Variants in SEC31A observed in about 807,000 individuals in gnomAD.
The protein encoded by SEC31A is SEC31 homolog A, COPII component.
Under a neutral mutation model 151.0 loss-of-function variants are expected in SEC31A, and 70 were observed. The ratio of observed to expected loss-of-function variants is 0.46; its 90% CI spans 0.38 to 0.57. The LOEUF (loss-of-function observed/expected upper bound fraction) is 0.57, where lower values mean the gene tolerates loss of function less well. Ranked by LOEUF, SEC31A falls within the 20% of genes least tolerant of loss-of-function variation. The probability of loss-of-function intolerance (pLI) is 0.00; values close to 1 mark genes in which losing one functional copy is unlikely to be tolerated. For synonymous variants in SEC31A, 475 were observed against 505.9 expected (o/e 0.94, Z 0.82); for missense variants, 1,330 against 1,471.2 (o/e 0.90, Z 1.57).
intron 22 of SEC31A, among the ~76,000 whole-genome samples, chr4:82,838,219 T>C (rs960847570): frequency 6.6e-6 from 1 of 152,216 alleles, no homozygotes; most frequent in Non-Finnish European, 1.5e-5. Flanking sequence ...TTCAGAACAC[T>C]GTTTCATGAG....
intron 25 of SEC31A, among the ~76,000 whole-genome samples, chr4:82,822,624 T>C (rs1463566793): frequency 6.6e-6 from 1 of 152,202 alleles, no homozygotes; most frequent in African/African-American, 2.4e-5. Flanking sequence ...ATAAAAACTA[T>C]TCCAACTACT....
Position 82,856,760 on chromosome 4 carries a change from T to A in SEC31A, c.1881+192A>T, listed in dbSNP as rs1198128782. On this transcript the variant is annotated intron_variant, in intron 16 of 26. Transcript: ENST00000395310. ...AGCAAGACCCCGTCTTTAAAATTAT[T>A]AATATATACAAAAACAACAAAACTA... Among the ~76,000 whole-genome samples the A allele has an allele frequency of 2.0e-5, 3 of 152,010 alleles. No homozygotes were observed. The South Asian group carries it at 6.2e-4, about 32-fold the overall frequency.
intron 21 of SEC31A, chr4:82,843,705 TG>T (rs1729435809): frequency 6.6e-6 from 1 of 151,992 alleles, no homozygotes; most frequent in Non-Finnish European, 1.5e-5. Flanking sequence ...TTTCAAATAG[TG>T]GCAATATTTC....
chr4:82,900,489 G>T, exon 1 of SEC31A: 1 of 386,982 alleles, frequency 2.6e-6, no homozygotes. Context: ...GCCAGAATGG[G>T]TGAAAACAGA....
intron 1 of SEC31A, 65 bp from the exon 2 acceptor site, chr4:82,882,005 T>C: frequency 8.3e-7 from 1 of 1,211,986 alleles, no homozygotes; most frequent in Non-Finnish European, 1.2e-6. Flanking sequence ...AGAACACAGA[T>C]ATTTTAAATA....
intron 1 of SEC31A, among the ~76,000 whole-genome samples, chr4:82,886,560 GA>G (rs1237315532): frequency 1.3e-5 from 2 of 152,146 alleles, no homozygotes; most frequent in African/African-American, 4.8e-5. Flanking sequence ...TATTTGGGGG[GA>G]AAAATTCCAA....
At chr4:82,865,593 T>C (rs1329953314) in intron 10 of SEC31A, among the ~76,000 whole-genome samples, 2 of 138,808 alleles carry the variant, frequency 1.4e-5, no homozygotes, top group African/African-American at 2.6e-5. Context: ...TACAATGCAA[T>C]ATTATTTGGC....
chr4:82,896,163 G>A (rs1352459493), upstream of SEC31A, among the ~76,000 whole-genome samples: 1 of 152,216 alleles, frequency 6.6e-6, no homozygotes, highest in African/African-American at 2.4e-5. Flanking sequence ...TAAAAAGCCA[G>A]AAGTCTGTAT....
At position 82,818,515 on chromosome 4, in the gene SEC31A, T is replaced by TA. The variant is rs1162618258; in HGVS notation, c.*558dup. ...AATGTCCAGTCTTTTCCTATATAGT[T>TA]AAAGCCAGTGATCCCATTTTTATTA... On this transcript the variant is annotated 3_prime_UTR_variant, in exon 27 of 27. Coordinates refer to ENST00000395310, the MANE Select transcript of SEC31A (RefSeq NM_001077207.4). 6.6e-6 allele frequency: 1 copy of TA among 152,238 alleles called. No individual in the cohort carries two copies. Among genetic ancestry groups the TA allele is most frequent in the Non-Finnish European group, 1.5e-5 (1 of 68,046 alleles). The allele number at this position is 152,238 out of a possible 1,614,324, so 9.4% of individuals were successfully genotyped here.
At chr4:82,874,825 C>T (rs192142240) in intron 5 of SEC31A, 74 bp from the exon 6 acceptor site, 4 of 1,528,744 alleles carry the variant, frequency 2.6e-6, no homozygotes, top group Non-Finnish European at 3.5e-6. Context: ...AAATTGGATC[C>T]TTCATTTTGA....
chr4:82,852,268 A>G (rs568857249), intron 18 of SEC31A, among the ~76,000 whole-genome samples: 1 of 152,244 alleles, frequency 6.6e-6, no homozygotes, highest in East Asian at 1.9e-4. Context: ...TTTATAAACT[A>G]CCCAGTCTTG....
At chr4:82,890,940 C>G in intron 1 of SEC31A, 148 bp downstream of exon 1, 2 of 1,421,140 alleles carry the variant, frequency 1.4e-6, no homozygotes, top group South Asian at 1.5e-5. Flanking sequence ...GGCCCGAAAC[C>G]AAGACTAGGG....
chr4:82,881,159 T>C (rs1489255620), intron 2 of SEC31A, among the ~76,000 whole-genome samples: 1 of 152,106 alleles, frequency 6.6e-6, no homozygotes. Context: ...TTTAAAAATC[T>C]CTGTAAAAAT....
chr4:82,876,587 G>C (rs569785714), intron 4 of SEC31A, among the ~76,000 whole-genome samples: 2 of 152,278 alleles, frequency 1.3e-5, no homozygotes, highest in East Asian at 1.9e-4. Context: ...TTCCAGAGCT[G>C]AATCAATACA....
upstream of SEC31A, chr4:82,891,415 G>T (rs545970050): frequency 1.4e-5 from 8 of 584,376 alleles, no homozygotes; most frequent in East Asian, 2.3e-4. Flanking sequence ...CGCAGAATGT[G>T]GATGGGGTAG....
At chr4:82,828,687 A>AAG (rs1338187838) in intron 23 of SEC31A, among the ~76,000 whole-genome samples, 2 of 150,542 alleles carry the variant, frequency 1.3e-5, no homozygotes, top group Admixed American at 1.3e-4. Flanking sequence ...AAAAAAAAAA[A>AAG]AAAAAAAAAA....
intron 22 of SEC31A, among the ~76,000 whole-genome samples, chr4:82,836,389 A>AG (rs1352293080): frequency 1.3e-5 from 2 of 149,686 alleles, no homozygotes; most frequent in African/African-American, 2.5e-5. Context: ...AAAAAAAAAA[A>AG]AAAGAAAAAG....
intron 22 of SEC31A, among the ~76,000 whole-genome samples, chr4:82,834,650 T>C (rs1726790454): frequency 6.6e-6 from 1 of 152,110 alleles, no homozygotes; most frequent in East Asian, 1.9e-4. Context: ...TCCCAAAACA[T>C]ATGCCTAACT....
chr4:82,852,831 C>T (rs946454699), intron 18 of SEC31A, among the ~76,000 whole-genome samples: 5 of 152,250 alleles, frequency 3.3e-5, no homozygotes, highest in African/African-American at 7.2e-5. Flanking sequence ...GGACTGGTTT[C>T]GTGGAAGACA....
Sources: allele counts gnomAD v4.1 joint callset (sites outside exome capture counted in the v4.1 genomes callset), GRCh38; gene constraint gnomAD v4.1.1; transcripts MANE v1.5; gene names NCBI Gene and HGNC (gene_info 2026-07-23, HGNC 2026-07-21).